Variants in TAOK3 observed in about 807,000 individuals in gnomAD.
TAOK3 encodes the protein serine/threonine-protein kinase TAO3.
A neutral mutation model predicts 120.4 loss-of-function variants in TAOK3; 40 were observed. The observed-to-expected ratio is 0.33, with a 90% CI of 0.26 to 0.43. The LOEUF is 0.43. Ranked by LOEUF, TAOK3 falls within the 20% of genes least tolerant of loss-of-function variation. The pLI, the probability that TAOK3 is intolerant of heterozygous loss-of-function variation, is 1.00. For missense variants in TAOK3, 821 were observed against 1,112.1 expected (o/e 0.74, Z 3.72); for synonymous variants, 355 against 387.5 (o/e 0.92, Z 0.99).
chr12:118,177,191 G>T lies in TAOK3; in HGVS notation c.1695+10C>A. 6.2e-7 allele frequency: 1 copy of T among 1,611,990 alleles called. No homozygotes were observed. The highest frequency in any genetic ancestry group is 8.5e-7 in the Non-Finnish European group (1 of 1,179,074). On this transcript the variant is annotated intron_variant, in intron 16 of 20. Transcript: ENST00000392533. ...GGCAACTTGGTGAGAACAAACATTG[G>T]TATCCTTACCTCTTTTATTTTTTCC...
chr12:118,186,358 G>A (rs906116156), intron 14 of TAOK3, among the ~76,000 whole-genome samples: 9 of 152,152 alleles, frequency 5.9e-5, no homozygotes, highest in African/African-American at 2.2e-4. Context: ...GCTGAACTCT[G>A]ATAGATACAC....
intron 1 of TAOK3, among the ~76,000 whole-genome samples, chr12:118,315,820 A>T (rs994576916): frequency 2.6e-5 from 4 of 152,082 alleles, no homozygotes; most frequent in Admixed American, 2.0e-4. Flanking sequence ...AGAGAAAAAA[A>T]TTGGTTAGGG....
intron 1 of TAOK3, among the ~76,000 whole-genome samples, chr12:118,290,791 A>G (rs935758023): frequency 6.7e-6 from 1 of 150,178 alleles, no homozygotes; most frequent in African/African-American, 2.5e-5. Context: ...GAGGAATCCT[A>G]TTTATATCGC....
At chr12:118,215,330 CAAAAAAAAAAAA>C (rs759313035) in intron 9 of TAOK3, among the ~76,000 whole-genome samples, 1 of 89,642 alleles carries the variant, frequency 1.1e-5, no homozygotes, top group Non-Finnish European at 2.1e-5. Context: ...CCCGTCTCTA[CAAAAAAAAAAAA>C]AAAAAAGAAA....
intron 1 of TAOK3, among the ~76,000 whole-genome samples, chr12:118,363,849 C>G (rs1431187335): frequency 6.6e-6 from 1 of 151,902 alleles, no homozygotes; most frequent in Non-Finnish European, 1.5e-5. Flanking sequence ...AGGCCAGGCG[C>G]GGTGGCTCAT....
chr12:118,181,305 A>T, intron 15 of TAOK3, 66 bp downstream of exon 15: 1 of 1,376,936 alleles, frequency 7.3e-7, no homozygotes. Context: ...TCTTGCTAAC[A>T]TCCTGCCACT....
intron 1 of TAOK3, among the ~76,000 whole-genome samples, chr12:118,298,897 C>T (rs1469007617): frequency 6.6e-6 from 1 of 152,206 alleles, no homozygotes; most frequent in South Asian, 2.1e-4. Context: ...TATATTCAGG[C>T]AGATGCGCTT....
At chr12:118,184,260 A>C (rs1026024610) in intron 14 of TAOK3, among the ~76,000 whole-genome samples, 1 of 152,198 alleles carries the variant, frequency 6.6e-6, no homozygotes, top group African/African-American at 2.4e-5. Context: ...AGAGATACTA[A>C]GCTTTATAAT....
chr12:118,271,260 CCA>C (rs933228157), intron 1 of TAOK3, among the ~76,000 whole-genome samples: 15 of 152,144 alleles, frequency 9.9e-5, no homozygotes, highest in African/African-American at 3.1e-4. Flanking sequence ...CCGTTACCAA[CCA>C]CAGTTATTTT....
chr12:118,187,583 C>T (rs1388726668), intron 14 of TAOK3, among the ~76,000 whole-genome samples: 1 of 151,870 alleles, frequency 6.6e-6, no homozygotes, highest in Non-Finnish European at 1.5e-5. Context: ...CAACACCATA[C>T]CTTTTCCCTT....
At chr12:118,158,858 A>G (rs1301323023) in intron 19 of TAOK3, among the ~76,000 whole-genome samples, 1 of 152,162 alleles carries the variant, frequency 6.6e-6, no homozygotes, top group African/African-American at 2.4e-5. Context: ...CAAGCATCCT[A>G]TACTCTTGCC....
intron 1 of TAOK3, among the ~76,000 whole-genome samples, chr12:118,321,691 A>G (rs2043713631): frequency 6.6e-6 from 1 of 152,238 alleles, no homozygotes; most frequent in South Asian, 2.1e-4. Context: ...TTTCAGAAAA[A>G]TAATTTTTCT....
In TAOK3 at chr12:118,214,068, G is replaced by T; in HGVS notation, c.686C>A (p.Ala229Asp). The T allele has an allele frequency of 6.2e-7, 1 of 1,610,288 alleles. No individual in the cohort carries two copies. Among genetic ancestry groups the T allele is most frequent in the Non-Finnish European group, 8.5e-7 (1 of 1,178,806 alleles). Residue 229 changes from alanine (A) to aspartate (D), a missense_variant, in exon 10 of 21, where the codon GCC becomes GAC. By Grantham distance (126) the Ala-to-Asp change is moderately radical (BLOSUM62 -2). This residue lies in a region of TAOK3 where 467 missense variants were observed against 540.0 expected (regional missense o/e 0.86). Transcript: ENST00000392533. ...GTCATTCTGGGCAATGTGATATAAGGCACTCATTGCATTCATGTTGAAAAG... is the reference window on the plus strand; with the variant it reads ...GTCATTCTGGGCAATGTGATATAAGTCACTCATTGCATTCATGTTGAAAAG... ...PPLFNMNAMS[A>D]LYHIAQNDSP... is the part of the protein sequence containing the mutation.
chr12:118,163,622 A>AG (rs1164013209), intron 17 of TAOK3, among the ~76,000 whole-genome samples: 2 of 151,952 alleles, frequency 1.3e-5, no homozygotes, highest in East Asian at 1.9e-4. Flanking sequence ...AAAAAAAAAA[A>AG]AGAGAGAGAG....
intron 1 of TAOK3, among the ~76,000 whole-genome samples, chr12:118,310,789 A>G (rs1274698314): frequency 1.3e-5 from 2 of 152,198 alleles, no homozygotes; most frequent in Non-Finnish European, 2.9e-5. Flanking sequence ...GGAAGGATTT[A>G]AAGTACAGGA....
chr12:118,196,630 T>C (rs1380450447), intron 13 of TAOK3, among the ~76,000 whole-genome samples: 3 of 152,272 alleles, frequency 2.0e-5, no homozygotes, highest in South Asian at 2.1e-4. Context: ...CACGTTCTTA[T>C]TGTGTTGGGT....
At chr12:118,216,205 C>A (rs1341412721) in intron 9 of TAOK3, among the ~76,000 whole-genome samples, 1 of 152,030 alleles carries the variant, frequency 6.6e-6, no homozygotes, top group Non-Finnish European at 1.5e-5. Context: ...TTAAACCAGG[C>A]TGGTCTTGAA....
intron 2 of TAOK3, chr12:118,261,352 A>C (rs2140217259): frequency 6.6e-6 from 1 of 152,360 alleles, no homozygotes; most frequent in Admixed American, 6.5e-5. Flanking sequence ...AGCACAAGAA[A>C]TACGAAGAAA....
At chr12:118,322,070 T>C (rs905149836) in intron 1 of TAOK3, among the ~76,000 whole-genome samples, 1 of 152,028 alleles carries the variant, frequency 6.6e-6, no homozygotes, top group Non-Finnish European at 1.5e-5. Context: ...ATCCCAGCAC[T>C]TTGGGAGGCA....
Sources: gnomAD v4.1 joint callset for allele counts (sites outside exome capture counted in the v4.1 genomes callset) on GRCh38, gnomAD v4.1.1 for gene constraint, gnomAD v4.1.1 regional missense constraint, MANE v1.5 for transcripts, NCBI Gene and HGNC (gene_info 2026-07-23, HGNC 2026-07-21) for gene names.